The following YBX3 variants were observed in gnomAD, a reference collection of about 807,000 sequenced individuals.
YBX3 encodes Y-box-binding protein 3.
YBX3 carries 29 observed loss-of-function variants against 42.4 expected under a neutral mutation model. The ratio of observed to expected loss-of-function variants is 0.68; its 90% CI spans 0.51 to 0.93. The LOEUF (loss-of-function observed/expected upper bound fraction) is 0.93, where lower values mean the gene tolerates loss of function less well. Ranked by LOEUF, YBX3 falls within the 40% of genes least tolerant of loss-of-function variation. The probability of loss-of-function intolerance (pLI) is 0.00; values close to 1 mark genes in which losing one functional copy is unlikely to be tolerated. For missense variants in YBX3, 517 were observed against 527.5 expected, an observed-to-expected ratio of 0.98 and a Z score of 0.19; for synonymous variants, 195 against 189.8, an observed-to-expected ratio of 1.03 and a Z score of -0.22.
At chr12:10,701,095 T>G (rs1948073017) in intron 9 of YBX3, among the ~76,000 whole-genome samples, 159 bp downstream of exon 9, 1 of 152,172 alleles carries the variant, frequency 6.6e-6, no homozygotes, top group Non-Finnish European at 1.5e-5. Flanking sequence ...CCAGAAATAT[T>G]TAACCACCAA....
At chr12:10,718,035 G>A in intron 3 of YBX3, 53 bp downstream of exon 3, 1 of 1,484,424 alleles carries the variant, frequency 6.7e-7, no homozygotes. Flanking sequence ...GCTGACAGAA[G>A]ATTACACACC....
At chr12:10,719,307 A>T (rs1234900180) in intron 1 of YBX3, among the ~76,000 whole-genome samples, 164 bp from the exon 2 acceptor site, 1 of 152,228 alleles carries the variant, frequency 6.6e-6, no homozygotes, top group Non-Finnish European at 1.5e-5. Flanking sequence ...GCAAGCCAAG[A>T]TCTCATAAGG....
chr12:10,703,686 C>T (rs976496980), intron 7 of YBX3: 12 of 324,028 alleles, frequency 3.7e-5, no homozygotes, highest in Middle Eastern at 9.1e-4. Flanking sequence ...TACTGGACTG[C>T]CTCAGTGATT....
intron 2 of YBX3, 114 bp from the exon 3 acceptor site, chr12:10,718,235 C>A: frequency 1.1e-6 from 1 of 894,888 alleles, no homozygotes. Flanking sequence ...CATATATTTT[C>A]ACTTATTTTC....
chr12:10,722,539 C>G (rs755132946), intron 1 of YBX3: 1 of 224,306 alleles, frequency 4.5e-6, no homozygotes, highest in African/African-American at 2.3e-5. Flanking sequence ...TTTTCCACCA[C>G]GCGAATCCGC....
intron 3 of YBX3, chr12:10,717,803 T>G (rs1009898621): frequency 4.0e-6 from 1 of 251,726 alleles, no homozygotes; most frequent in African/African-American, 2.2e-5. Flanking sequence ...ACTTTTCTTT[T>G]TTTTGCTAAG....
In YBX3 at chr12:10,710,033, C is replaced by A. The variant is rs148867879; in HGVS notation, c.655G>T (p.Ala219Ser). ...TGGGGGCGGCGCAGCTGATTCCGGG[C>A]CCCAGAGAACTGCCTATCAGTGGCA... The part of the protein sequence containing the change: ...PPATDRQFSG[A>S]RNQLRRPQYR... The change falls in exon 6 of 10, where the codon GCC becomes TCC. Residue 219 changes from alanine to serine, a missense_variant. Physicochemically the swap from Ala to Ser is moderately conservative, Grantham distance 99. Transcript: ENST00000228251. The A allele has an allele frequency of 3.6e-4, 578 of 1,613,996 alleles. No homozygotes were observed. The African/African-American group carries it at 6.5e-3, about 18-fold the overall frequency.
At chr12:10,710,494 G>C in intron 5 of YBX3, 1 of 1,187,892 alleles carries the variant, frequency 8.4e-7, no homozygotes, top group Non-Finnish European at 1.1e-6. Context: ...GCAATGTCAG[G>C]GAAAAGCCAA....
intron 6 of YBX3, among the ~76,000 whole-genome samples, chr12:10,706,111 C>T (rs564676201): frequency 1.6e-4 from 24 of 152,324 alleles, no homozygotes; most frequent in African/African-American, 5.8e-4. Context: ...CAATGTTACA[C>T]ATATATGTGT....
At chr12:10,718,039 A>G (rs1379194580) in intron 3 of YBX3, 49 bp downstream of exon 3, 1 of 1,510,654 alleles carries the variant, frequency 6.6e-7, no homozygotes, top group South Asian at 1.2e-5. Flanking sequence ...ACAGAAGATT[A>G]CACACCCTCT....
chr12:10,710,158 G>C (rs1021956992), intron 5 of YBX3, 44 bp from the exon 6 acceptor site: 3 of 1,591,848 alleles, frequency 1.9e-6, no homozygotes, highest in Non-Finnish European at 2.6e-6. Flanking sequence ...GTTTTAGCAA[G>C]GAAAGAACCA....
chr12:10,716,344 C>T (rs1591582181), intron 3 of YBX3, among the ~76,000 whole-genome samples: 1 of 152,158 alleles, frequency 6.6e-6, no homozygotes, highest in Admixed American at 6.5e-5. Context: ...ACCGTAACAG[C>T]CCCAGGGATG....
At chr12:10,722,167 T>G (rs1948333841) in intron 1 of YBX3, 1 of 152,184 alleles carries the variant, frequency 6.6e-6, no homozygotes, top group Non-Finnish European at 1.5e-5. Context: ...GAATGGCTGT[T>G]TGCAGCCGTG....
chr12:10,718,068 G>C lies in YBX3; in HGVS notation c.360+20C>G. On this transcript the variant is annotated intron_variant, in intron 3 of 9. Transcript: ENST00000228251. ...ACCCTCTCCTCACATAGCAAATGTA[G>C]TATTTATAATCCCTCTTACCTGATG... The C allele has an allele frequency of 6.2e-7, 1 of 1,600,706 alleles. No homozygotes were observed. Among genetic ancestry groups the C allele is most frequent in the Non-Finnish European group, 8.5e-7 (1 of 1,172,468 alleles).
intron 4 of YBX3, among the ~76,000 whole-genome samples, chr12:10,713,633 G>A (rs1948226050): frequency 6.6e-6 from 1 of 152,204 alleles, no homozygotes; most frequent in African/African-American, 2.4e-5. Context: ...AACTGTCAAA[G>A]TAGAAGCAAT....
chr12:10,719,108 C>T lies in YBX3; in HGVS notation c.298G>A (p.Val100Ile), dbSNP rs747305718. 8.7e-6 allele frequency: 14 copies of T among 1,613,326 alleles called. No homozygotes were observed. Among genetic ancestry groups the T allele is most frequent in the South Asian group, 4.4e-5 (4 of 91,010 alleles). The change falls in exon 2 of 10, where the codon GTC becomes ATC. Residue 100 changes from valine to isoleucine, a missense_variant. Val to Ile is a conservative substitution (Grantham distance 29). This residue lies in a region of YBX3 where 420 missense variants were observed against 408.5 expected (regional missense o/e 1.03). Transcript: ENST00000228251. The part of the protein sequence containing the change: ...KVLGTVKWFN[V>I]RNGYGFINRN... ...TTTATAAATCCATATCCATTTCTGA[C>T]GTTGAACCATTTGACAGTGCCAAGG...
intron 6 of YBX3, among the ~76,000 whole-genome samples, chr12:10,707,386 C>T (rs1948150238): frequency 6.6e-6 from 1 of 152,296 alleles, no homozygotes; most frequent in African/African-American, 2.4e-5. Flanking sequence ...ATCAAAACTG[C>T]AGAGGTATTA....
intron 6 of YBX3, among the ~76,000 whole-genome samples, chr12:10,708,481 G>A (rs1948162247): frequency 6.6e-6 from 1 of 152,140 alleles, no homozygotes; most frequent in South Asian, 2.1e-4. Flanking sequence ...TTAGTTATAT[G>A]GATGAGAGCT....
chr12:10,718,843 C>G (rs1253219374), intron 2 of YBX3, among the ~76,000 whole-genome samples: 1 of 152,144 alleles, frequency 6.6e-6, no homozygotes, highest in Non-Finnish European at 1.5e-5. Flanking sequence ...CTGATTTTAT[C>G]TCCCCCTCCT....
Sources: allele counts gnomAD v4.1 joint callset (sites outside exome capture counted in the v4.1 genomes callset), GRCh38; gene constraint gnomAD v4.1.1; regional missense constraint gnomAD v4.1.1; transcripts MANE v1.5; gene names NCBI Gene and HGNC (gene_info 2026-07-23, HGNC 2026-07-21).